Variants in ATP6V1E1 observed in about 807,000 individuals in gnomAD.
The protein encoded by ATP6V1E1 is ATPase H+ transporting V1 subunit E1.
ATP6V1E1 carries 21 observed loss-of-function variants against 35.2 expected under a neutral mutation model. That is an observed-to-expected ratio of 0.60 (90% confidence interval 0.42 to 0.86). The LOEUF is 0.86. ATP6V1E1 is among the 40% of genes least tolerant of loss of function. The probability of loss-of-function intolerance (pLI) is 0.00; values close to 1 mark genes in which losing one functional copy is unlikely to be tolerated. For synonymous variants in ATP6V1E1, 83 were observed against 87.8 expected, an observed-to-expected ratio of 0.95 and a Z score of 0.30; for missense variants, 183 against 272.6, an observed-to-expected ratio of 0.67 and a Z score of 2.32.
At chr22:17,619,586 C>G in intron 1 of ATP6V1E1, 60 bp from the exon 2 acceptor site, 1 of 1,386,682 alleles carries the variant, frequency 7.2e-7, no homozygotes, top group Non-Finnish European at 9.9e-7. Context: ...TTTTCTGATT[C>G]ATTGAACAAG....
At chr22:17,612,130 T>C (rs190025496) in intron 4 of ATP6V1E1, among the ~76,000 whole-genome samples, 4 of 152,176 alleles carry the variant, frequency 2.6e-5, no homozygotes, top group Non-Finnish European at 5.9e-5. Context: ...AATAACCGTA[T>C]CTGCAAAGAT....
At chr22:17,611,055 CA>C (rs2057813059) in intron 4 of ATP6V1E1, among the ~76,000 whole-genome samples, 1 of 152,156 alleles carries the variant, frequency 6.6e-6, no homozygotes, top group Non-Finnish European at 1.5e-5. Context: ...GCAGAGTTGA[CA>C]TTTAAACTCA....
At chr22:17,606,861 T>C (rs997726416) in intron 4 of ATP6V1E1, among the ~76,000 whole-genome samples, 2 of 152,234 alleles carry the variant, frequency 1.3e-5, no homozygotes, top group Non-Finnish European at 2.9e-5. Flanking sequence ...GAACACTGTA[T>C]TAGAGACCAT....
intron 4 of ATP6V1E1, among the ~76,000 whole-genome samples, chr22:17,611,436 T>C (rs2057814889): frequency 1.3e-5 from 2 of 152,194 alleles, no homozygotes; most frequent in African/African-American, 2.4e-5. Flanking sequence ...CTTTTATTAT[T>C]TGAAGTAATA....
intron 7 of ATP6V1E1, among the ~76,000 whole-genome samples, chr22:17,597,057 C>T (rs2057735827): frequency 1.3e-5 from 2 of 151,670 alleles, no homozygotes; most frequent in African/African-American, 4.9e-5. Context: ...CTGGCTAACA[C>T]AGTGAAACCC....
intron 4 of ATP6V1E1, among the ~76,000 whole-genome samples, chr22:17,606,008 GT>G (rs67884763): frequency 0.094 from 14,260 of 151,982 alleles, 730 homozygotes; most frequent in African/African-American, 0.12. Flanking sequence ...GTAAAGTGGG[GT>G]TTAAAAATCT....
intron 6 of ATP6V1E1, among the ~76,000 whole-genome samples, chr22:17,599,685 C>T (rs1393089359): frequency 5.1e-4 from 75 of 148,352 alleles, no homozygotes; most frequent in African/African-American, 1.5e-3. Context: ...TTTGGGAGGA[C>T]GAGGCGGGTG....
chr22:17,618,271 A>T (rs1476870822), intron 2 of ATP6V1E1, among the ~76,000 whole-genome samples: 1 of 152,220 alleles, frequency 6.6e-6, no homozygotes, highest in African/African-American at 2.4e-5. Flanking sequence ...CTACCCTCTA[A>T]CATAAAATTT....
chr22:17,605,908 C>A (rs2057784781), intron 4 of ATP6V1E1, among the ~76,000 whole-genome samples: 1 of 151,960 alleles, frequency 6.6e-6, no homozygotes, highest in Non-Finnish European at 1.5e-5. Context: ...TATCCTCCTG[C>A]CTCAGCCTCC....
intron 1 of ATP6V1E1, among the ~76,000 whole-genome samples, chr22:17,625,467 G>C (rs2057899199): frequency 8.1e-6 from 1 of 123,366 alleles, no homozygotes; most frequent in Non-Finnish European, 2.0e-5. Context: ...ATGTTGGTCA[G>C]GCTGGTCTCA....
Sources: gnomAD v4.1 joint callset for allele counts (sites outside exome capture counted in the v4.1 genomes callset) on GRCh38, gnomAD v4.1.1 for gene constraint, MANE v1.5 for transcripts, NCBI Gene and HGNC (gene_info 2026-07-23, HGNC 2026-07-21) for gene names.